IGF2BP3: variants seen among roughly 807,000 people sequenced by gnomAD.
IGF2BP3 encodes the protein insulin like growth factor 2 mRNA binding protein 3.
IGF2BP3 carries 9 observed loss-of-function variants against 73.8 expected under a neutral mutation model. That is an observed-to-expected ratio of 0.12 (90% confidence interval 0.07 to 0.21). IGF2BP3 has a LOEUF of 0.21. Ranked by LOEUF, IGF2BP3 falls within the 10% of genes least tolerant of loss-of-function variation. The pLI, the probability that IGF2BP3 is intolerant of heterozygous loss-of-function variation, is 1.00. For missense variants in IGF2BP3, 542 were observed against 714.0 expected, an observed-to-expected ratio of 0.76 and a Z score of 2.75; for synonymous variants, 258 against 256.7, an observed-to-expected ratio of 1.01 and a Z score of -0.05.
Position 23,327,070 on chromosome 7 carries a change from A to AT in IGF2BP3, c.1204-7817dup, listed in dbSNP as rs1414859473. ...TACCCTAAAACTTAAAGTATAATAAATAAATTAATTAATTAATTAATTAAA... is the reference window on the plus strand; with the variant it reads ...TACCCTAAAACTTAAAGTATAATAAATTAAATTAATTAATTAATTAATTAAA... On this transcript the variant is annotated intron_variant, in intron 10 of 14. Coordinates refer to ENST00000258729, the MANE Select transcript of IGF2BP3 (RefSeq NM_006547.3). 8.7e-5 allele frequency among the ~76,000 whole-genome samples: 13 copies of AT among 149,644 alleles called. No homozygotes were observed. The East Asian group carries it at 9.7e-4, about 11-fold the overall frequency.
intron 12 of IGF2BP3, among the ~76,000 whole-genome samples, chr7:23,315,111 AT>A (rs1043377265): frequency 4.0e-5 from 6 of 149,432 alleles, no homozygotes; most frequent in East Asian, 2.0e-4. Context: ...CCTGCCTTTT[AT>A]TTTTTTTTAT....
rs546281045 is a variant in IGF2BP3 at position 23,385,120 on chromosome 7, A to G, written c.286-23379T>C. ...TCTCTTTATAGAAGTGTTTCAATTA[A>G]TAAATGAAAGAATAATAGAATTGGA... is the stretch of plus-strand genomic sequence containing the variant. On this transcript the variant is annotated intron_variant, in intron 3 of 14. Transcript: ENST00000258729. 5.3e-5 allele frequency among the ~76,000 whole-genome samples: 8 copies of G among 152,346 alleles called. No homozygotes were observed. The East Asian group carries it at 1.5e-3, about 29-fold the overall frequency.
chr7:23,416,410 G>A (rs1472963626), intron 3 of IGF2BP3, among the ~76,000 whole-genome samples: 1 of 152,088 alleles, frequency 6.6e-6, no homozygotes, highest in African/African-American at 2.4e-5. Context: ...AGCAAAACAG[G>A]ATGTCCTGTG....
intron 7 of IGF2BP3, 33 bp from the exon 8 acceptor site, chr7:23,346,095 T>TA: frequency 1.1e-5 from 17 of 1,586,372 alleles, no homozygotes; most frequent in Non-Finnish European, 1.5e-5. Context: ...AAAATTAGAA[T>TA]AAGTAAACCT....
chr7:23,394,469 C>G (rs1174257068), intron 3 of IGF2BP3: 1 of 152,270 alleles, frequency 6.6e-6, no homozygotes, highest in Non-Finnish European at 1.5e-5. Context: ...TCTGTCTCCC[C>G]TGCGCCTACC....
At chr7:23,462,844 A>G (rs1788482966) in intron 2 of IGF2BP3, among the ~76,000 whole-genome samples, 1 of 152,228 alleles carries the variant, frequency 6.6e-6, no homozygotes, top group Admixed American at 6.5e-5. Context: ...CTTGCCAAAC[A>G]GCAATTTCAG....
At chr7:23,397,636 A>G (rs1786519387) in intron 3 of IGF2BP3, among the ~76,000 whole-genome samples, 1 of 152,196 alleles carries the variant, frequency 6.6e-6, no homozygotes, top group African/African-American at 2.4e-5. Context: ...AAATGACAAA[A>G]TGTATTCTGC....
intron 11 of IGF2BP3, 57 bp downstream of exon 11, chr7:23,319,081 T>G: frequency 9.3e-7 from 1 of 1,072,054 alleles, no homozygotes; most frequent in Non-Finnish European, 1.4e-6. Flanking sequence ...GGCAAGAAGA[T>G]TCATATTTCT....
chr7:23,428,731 A>G (rs535001087), intron 2 of IGF2BP3, among the ~76,000 whole-genome samples: 1,767 of 134,930 alleles, frequency 0.013, 46 homozygotes, highest in African/African-American at 0.047. Flanking sequence ...TTTTAGGGGG[A>G]AAAAAAAAAA....
At chr7:23,431,858 T>C (rs1293098178) in intron 2 of IGF2BP3, among the ~76,000 whole-genome samples, 2 of 152,144 alleles carry the variant, frequency 1.3e-5, no homozygotes, top group African/African-American at 2.4e-5. Flanking sequence ...CTCTCTCTTA[T>C]GGATTGGTGG....
At chr7:23,393,740 C>T (rs1316058647) in intron 3 of IGF2BP3, among the ~76,000 whole-genome samples, 1 of 152,194 alleles carries the variant, frequency 6.6e-6, no homozygotes, top group Non-Finnish European at 1.5e-5. Context: ...GGGGGGCAAT[C>T]ATGTTCATTT....
chr7:23,392,431 A>ATC (rs1257774982), intron 3 of IGF2BP3, among the ~76,000 whole-genome samples: 6 of 137,746 alleles, frequency 4.4e-5, no homozygotes, highest in African/African-American at 1.6e-4. Context: ...ACAGCTTATC[A>ATC]TCATATATAT....
chr7:23,395,264 C>T (rs1786414643), intron 3 of IGF2BP3, among the ~76,000 whole-genome samples: 1 of 152,008 alleles, frequency 6.6e-6, no homozygotes, highest in African/African-American at 2.4e-5. Context: ...ACCAAAACAA[C>T]CTGAACTATT....
At chr7:23,436,235 GAGTT>G (rs1199092293) in intron 2 of IGF2BP3, among the ~76,000 whole-genome samples, 2 of 152,322 alleles carry the variant, frequency 1.3e-5, no homozygotes, top group East Asian at 3.9e-4. Context: ...TAATACCAGT[GAGTT>G]AGTGTCATGT....
intron 10 of IGF2BP3, among the ~76,000 whole-genome samples, chr7:23,332,984 A>G (rs548912816): frequency 1.4e-3 from 209 of 152,380 alleles, no homozygotes; most frequent in Middle Eastern, 3.4e-3. Flanking sequence ...CAATGGTCAA[A>G]CTAAACCTAA....
intron 2 of IGF2BP3, among the ~76,000 whole-genome samples, chr7:23,461,362 G>A (rs1788447235): frequency 6.6e-6 from 1 of 151,930 alleles, no homozygotes; most frequent in African/African-American, 2.4e-5. Flanking sequence ...TCACTTCTAT[G>A]TCCCATCTCC....
intron 3 of IGF2BP3, among the ~76,000 whole-genome samples, chr7:23,375,086 C>A (rs1222184842): frequency 6.6e-6 from 1 of 152,192 alleles, no homozygotes; most frequent in Admixed American, 6.5e-5. Context: ...AATTTTCACA[C>A]TAGAGTGTCA....
At chr7:23,415,102 C>T (rs1787145497) in intron 3 of IGF2BP3, 3 of 220,416 alleles carry the variant, frequency 1.4e-5, no homozygotes. Flanking sequence ...ATTAGCAGGT[C>T]CCGTCCGTCA....
intron 2 of IGF2BP3, among the ~76,000 whole-genome samples, chr7:23,423,773 A>G (rs1373362694): frequency 1.3e-5 from 2 of 149,316 alleles, no homozygotes; most frequent in Non-Finnish European, 3.0e-5. Context: ...TTGAGAATGG[A>G]AAAAAAAAAC....
Sources: gnomAD v4.1 joint callset for allele counts (sites outside exome capture counted in the v4.1 genomes callset) on GRCh38, gnomAD v4.1.1 for gene constraint, MANE v1.5 for transcripts, NCBI Gene and HGNC (gene_info 2026-07-23, HGNC 2026-07-21) for gene names.